Variants in OR10H4 observed in about 807,000 individuals in gnomAD.
OR10H4 encodes olfactory receptor family 10 subfamily H member 4.
OR10H4 carries 10 observed loss-of-function variants against 10.5 expected under a neutral mutation model. The ratio of observed to expected loss-of-function variants is 0.95; its 90% CI spans 0.59 to 1.62. The LOEUF (loss-of-function observed/expected upper bound fraction) is 1.62, where lower values mean the gene tolerates loss of function less well. Among genes scored for constraint, OR10H4 ranks in the 40% most tolerant of loss-of-function variants. The pLI is 0.00. For synonymous variants in OR10H4, 160 were observed against 149.4 expected (o/e 1.07, Z -0.52); for missense variants, 397 against 391.5 (o/e 1.01, Z -0.12).
In OR10H4 at chr19:15,949,288, C is replaced by T. The variant is rs532538232; in HGVS notation, c.281C>T (p.Thr94Ile). 7 of 1,614,256 alleles carry T rather than the reference C, an allele frequency of 4.3e-6. No individual in the cohort carries two copies. In the South Asian group the frequency reaches 6.6e-5, roughly 15 times the overall value. ...ADLLSTHHSI[T>I]FVACANQMFF... ...CTGCTTTCCACCCATCATTCCATCA[C>T]CTTTGTGGCTTGTGCCAACCAGATG... The change falls in exon 1 of 1, where the codon ACC becomes ATC. Residue 94 changes from threonine to isoleucine, a missense_variant. Physicochemically the swap from Thr to Ile is moderately conservative, Grantham distance 89. Coordinates refer to ENST00000322107, the MANE Select transcript of OR10H4 (RefSeq NM_001004465.1).
Position 15,949,382 on chromosome 19 carries a change from G to A in OR10H4, c.375G>A (p.Val125=). The A allele has an allele frequency of 6.2e-7, 1 of 1,614,158 alleles. No individual in the cohort carries two copies. The highest frequency in any genetic ancestry group is 8.5e-7 in the Non-Finnish European group (1 of 1,180,046). Residue 125 remains valine (V), a synonymous_variant, in exon 1 of 1, where the codon GTG becomes GTA. Coordinates refer to ENST00000322107, the MANE Select transcript of OR10H4 (RefSeq NM_001004465.1). The part of the protein sequence containing the change: ...LLLVMGYDRY[V]AICHPLRYNV... Reference sequence around the variant, plus strand: ...TGGTCATGGGCTATGATCGCTATGTGGCCATCTGCCACCCACTGCGTTACA... The same window carrying A: ...TGGTCATGGGCTATGATCGCTATGTAGCCATCTGCCACCCACTGCGTTACA...
Position 15,949,813 on chromosome 19 carries a change from CTA to C in OR10H4, c.808_809del (p.Met270ValfsTer3). 6.2e-7 allele frequency: 1 copy of C among 1,614,208 alleles called. No individual in the cohort carries two copies. The highest frequency in any genetic ancestry group is 8.5e-7 in the Non-Finnish European group (1 of 1,180,036). Reference sequence around the variant, plus strand: ...TACCTCAAGCCCAAGGGCCTCCATTCTATGTACAGTGACGCCTTGATGGCCAC... The same window carrying C: ...TACCTCAAGCCCAAGGGCCTCCATTCTGTACAGTGACGCCTTGATGGCCAC... On this transcript the variant is annotated frameshift_variant, in exon 1 of 1. Transcript: ENST00000322107. LOFTEE classifies it high-confidence loss of function.
Position 15,949,359 on chromosome 19 carries a change from G to A in OR10H4, c.352G>A (p.Val118Ile), listed in dbSNP as rs781294206. 1.4e-5 allele frequency: 23 copies of A among 1,614,080 alleles called. 1 individual carries two copies. The South Asian group carries it at 2.4e-4, about 17-fold the overall frequency. The change falls in exon 1 of 1, where the codon GTC (valine) becomes ATC (isoleucine). Residue 118 changes from valine (V) to isoleucine (I), a missense_variant. Val to Ile is a conservative substitution (Grantham distance 29, BLOSUM62 3). Transcript: ENST00000322107. ...FGFTHSFLLLVMGYDRYVAIC... is the reference protein window; with the variant it reads ...FGFTHSFLLLIMGYDRYVAIC... ...CTTCACTCACTCCTTCCTTCTCCTG[G>A]TCATGGGCTATGATCGCTATGTGGC...
In OR10H4 at chr19:15,949,342, A is replaced by G. The variant is rs751846122; in HGVS notation, c.335A>G (p.His112Arg). The change falls in exon 1 of 1, where the codon CAC (histidine) becomes CGC (arginine). Residue 112 changes from histidine to arginine, a missense_variant. Physicochemically the swap from His to Arg is conservative, Grantham distance 29. Coordinates refer to ENST00000322107, the MANE Select transcript of OR10H4 (RefSeq NM_001004465.1). ...MFFSFMFGFT[H>R]SFLLLVMGYD... is the part of the protein sequence containing the mutation. ...TTCTCCTTCATGTTTGGCTTCACTC[A>G]CTCCTTCCTTCTCCTGGTCATGGGC... is the stretch of plus-strand genomic sequence containing the variant. The G allele has an allele frequency of 1.9e-6, 3 of 1,612,852 alleles. No homozygotes were observed. Among genetic ancestry groups the G allele is most frequent in the South Asian group, 2.2e-5 (2 of 91,012 alleles).
Position 15,949,790 on chromosome 19 carries a change from C to T in OR10H4, c.783C>T (p.Tyr261=), listed in dbSNP as rs1347194361. 13 of 1,614,074 alleles carry T rather than the reference C, an allele frequency of 8.1e-6. No homozygotes were observed. The highest frequency in any genetic ancestry group is 1.1e-5 in the Non-Finnish European group (13 of 1,180,040). ...VTHYSFASFI[Y]LKPKGLHSMY... is the part of the protein sequence containing the mutation. The stretch of plus-strand genomic sequence containing the variant: ...ACTATAGTTTTGCCTCCTTTATCTA[C>T]CTCAAGCCCAAGGGCCTCCATTCTA... Residue 261 remains tyrosine (Y), a synonymous_variant, in exon 1 of 1, where the codon TAC becomes TAT. Transcript: ENST00000322107.
rs145516187 is a variant in OR10H4, at chr19:15,949,767, T to C, written c.760T>C (p.Tyr254His). ...VSHLTVVVTH[Y>H]SFASFIYLKP... ...CCACCTCACTGTGGTGGTCACGCAC[T>C]ATAGTTTTGCCTCCTTTATCTACCT... Residue 254 changes from tyrosine to histidine, a missense_variant, in exon 1 of 1, where the codon TAT (tyrosine) becomes CAT (histidine). Physicochemically the swap from Tyr to His is moderately conservative, Grantham distance 83. Coordinates refer to ENST00000322107, the MANE Select transcript of OR10H4 (RefSeq NM_001004465.1). 5,265 of 1,614,208 alleles carry C rather than the reference T, an allele frequency of 3.3e-3. 13 individuals carry two copies. The highest frequency in any genetic ancestry group is 5.4e-3 in the South Asian group (493 of 91,088).
In OR10H4 at chr19:15,949,478, G is replaced by A. The variant is rs745384244; in HGVS notation, c.471G>A (p.Gly157=). 34 of 1,614,122 alleles carry A rather than the reference G, an allele frequency of 2.1e-5. No individual in the cohort carries two copies. Among genetic ancestry groups the A allele is most frequent in the Non-Finnish European group, 2.9e-5 (34 of 1,180,056 alleles). The change falls in exon 1 of 1, where the codon GGG becomes GGA. Residue 157 remains glycine (G), a synonymous_variant. Coordinates refer to ENST00000322107, the MANE Select transcript of OR10H4 (RefSeq NM_001004465.1). ...CCTGGGCTGGTGGCTCAGTCATGGG[G>A]ATGATGGTGACAACGATAGTTTTCC... ...ACTWAGGSVM[G]MMVTTIVFHL...
In OR10H4 at chr19:15,949,920, A is replaced by G. The variant is rs763572447; in HGVS notation, c.913A>G (p.Lys305Glu). 5 of 1,605,888 alleles carry G rather than the reference A, an allele frequency of 3.1e-6. No homozygotes were observed. The highest frequency in any genetic ancestry group is 4.2e-6 in the Non-Finnish European group (5 of 1,177,670). Residue 305 changes from lysine to glutamate, a missense_variant, in exon 1 of 1, where the codon AAA becomes GAA. Coordinates refer to ENST00000322107, the MANE Select transcript of OR10H4 (RefSeq NM_001004465.1). The stretch of plus-strand genomic sequence containing the variant: ...CAAGGAGCTGAAGAATGCCATAAAT[A>G]AAAACTTTTACAGAAAATTCTGTCC... ...RNKELKNAIN[K>E]NFYRKFCPPS...
rs771982879 is a variant in OR10H4, at chr19:15,949,100, G to A, written c.93G>A (p.Leu31=). Residue 31 remains leucine, a synonymous_variant, in exon 1 of 1, where the codon CTG becomes CTA. Coordinates refer to ENST00000322107, the MANE Select transcript of OR10H4 (RefSeq NM_001004465.1). ...ACCTCCTGCCCATCTTGTTCCTGCT[G>A]TACCTCCTGATGTTCCTGTTCACAT... ...PQHLLPILFL[L]YLLMFLFTLL... The A allele has an allele frequency of 3.7e-6, 6 of 1,614,088 alleles. No individual in the cohort carries two copies. Among genetic ancestry groups the A allele is most frequent in the Admixed American group, 1.7e-5 (1 of 60,008 alleles).
chr19:15,949,933 G>GA lies in OR10H4; in HGVS notation c.930dup (p.Phe311IlefsTer?), dbSNP rs762844145. ...AATGCCATAAATAAAAACTTTTACA[G>GA]AAAATTCTGTCCTCCAAGTTCCTGA... On this transcript the variant is annotated frameshift_variant, in exon 1 of 1. Transcript: ENST00000322107. LOFTEE classifies it high-confidence loss of function. 7.3e-5 allele frequency: 118 copies of GA among 1,607,418 alleles called. No homozygotes were observed. In the East Asian group the frequency reaches 9.8e-4, roughly 13 times the overall value.
At position 15,949,289 on chromosome 19, in the gene OR10H4, C is replaced by CT; in HGVS notation, c.285dup (p.Val96CysfsTer27). ...TGCTTTCCACCCATCATTCCATCACCTTTGTGGCTTGTGCCAACCAGATGT... is the reference window on the plus strand; with the variant it reads ...TGCTTTCCACCCATCATTCCATCACCTTTTGTGGCTTGTGCCAACCAGATGT... On this transcript the variant is annotated frameshift_variant, in exon 1 of 1. Coordinates refer to ENST00000322107, the MANE Select transcript of OR10H4 (RefSeq NM_001004465.1). LOFTEE classifies it high-confidence loss of function. 6.2e-7 allele frequency: 1 copy of CT among 1,614,236 alleles called. No homozygotes were observed.
At position 15,949,664 on chromosome 19, in the gene OR10H4, C is replaced by T; in HGVS notation, c.657C>T (p.Ser219=). The change falls in exon 1 of 1, where the codon TCC becomes TCT. Residue 219 remains serine, a synonymous_variant. Transcript: ENST00000322107. ...GCTGTTTATTCCTCATCATCCTCTC[C>T]TATGTCTTCATTGTGGCTGCCATCT... ...LIGCLFLIIL[S]YVFIVAAILR... is the part of the protein sequence containing the mutation. 1 of 1,614,252 alleles carries T rather than the reference C, an allele frequency of 6.2e-7. No individual in the cohort carries two copies. The highest frequency in any genetic ancestry group is 1.1e-5 in the South Asian group (1 of 91,088).
At position 15,949,606 on chromosome 19, in the gene OR10H4, G is replaced by T. The variant is rs768599148; in HGVS notation, c.599G>T (p.Gly200Val). 4.3e-6 allele frequency: 7 copies of T among 1,614,180 alleles called. No individual in the cohort carries two copies. In the Admixed American group the frequency reaches 1.2e-4, roughly 27 times the overall value. ...AACAAGACATCATCTGTCATCATGGGTGTGATGCTGGTGTGTGTCACAGCC... is the reference window on the plus strand; with the variant it reads ...AACAAGACATCATCTGTCATCATGGTTGTGATGCTGGTGTGTGTCACAGCC... The part of the protein sequence containing the change: ...CENKTSSVIM[G>V]VMLVCVTALI... The change falls in exon 1 of 1, where the codon GGT becomes GTT. Residue 200 changes from glycine (G) to valine (V), a missense_variant. Gly to Val is a moderately radical substitution (Grantham distance 109, BLOSUM62 -3). Transcript: ENST00000322107.
Position 15,949,683 on chromosome 19 carries a change from GC to G in OR10H4, c.678del (p.Ile227SerfsTer2). 6.2e-7 allele frequency: 1 copy of G among 1,614,170 alleles called. No homozygotes were observed. Among genetic ancestry groups the G allele is most frequent in the Non-Finnish European group, 8.5e-7 (1 of 1,180,034 alleles). ...IILSYVFIVA[A>X]ILRIPSAEGR... The stretch of plus-strand genomic sequence containing the variant: ...CCTCTCCTATGTCTTCATTGTGGCT[GC>G]CATCTTGAGGATTCCCTCTGCCGAA... On this transcript the variant is annotated frameshift_variant, in exon 1 of 1. Transcript: ENST00000322107. LOFTEE classifies it high-confidence loss of function.
Position 15,949,198 on chromosome 19 carries a change from T to G in OR10H4, c.191T>G (p.Leu64Trp), listed in dbSNP as rs758635121. Reference protein sequence around the residue: ...HRLHTPMYLFLCTLSVSEILF... With the variant: ...HRLHTPMYLFWCTLSVSEILF... ...CTCCACACACCCATGTACCTCTTCT[T>G]GTGCACCCTCTCCGTCTCTGAGATT... Residue 64 changes from leucine (L) to tryptophan (W), a missense_variant, in exon 1 of 1, where the codon TTG (leucine) becomes TGG (tryptophan). Physicochemically the swap from Leu to Trp is moderately conservative, Grantham distance 61. Transcript: ENST00000322107. The G allele has an allele frequency of 1.6e-5, 26 of 1,614,106 alleles. No individual in the cohort carries two copies. The highest frequency in any genetic ancestry group is 1.7e-5 in the Non-Finnish European group (20 of 1,180,054).
rs372336100 is a variant in OR10H4 at position 15,949,742 on chromosome 19, C to G, written c.735C>G (p.Ser245=). ...GRHKTFSTCV[S]HLTVVVTHYS... is the part of the protein sequence containing the mutation. ...ACAAGACATTTTCTACGTGTGTATCCCACCTCACTGTGGTGGTCACGCACT... is the reference window on the plus strand; with the variant it reads ...ACAAGACATTTTCTACGTGTGTATCGCACCTCACTGTGGTGGTCACGCACT... Residue 245 remains serine (S), a synonymous_variant, in exon 1 of 1, where the codon TCC becomes TCG. Transcript: ENST00000322107. 1 of 1,614,160 alleles carries G rather than the reference C, an allele frequency of 6.2e-7. No homozygotes were observed.
chr19:15,949,520 G>T lies in OR10H4; in HGVS notation c.513G>T (p.Gly171=), dbSNP rs554308775. ...TAGTTTTCCACCTCACTTTCTGTGGGTCTAATGTGATCCACCATTTTTTCT... is the reference window on the plus strand; with the variant it reads ...TAGTTTTCCACCTCACTTTCTGTGGTTCTAATGTGATCCACCATTTTTTCT... ...TTIVFHLTFC[G]SNVIHHFFCH... Residue 171 remains glycine (G), a synonymous_variant, in exon 1 of 1, where the codon GGG becomes GGT. Transcript: ENST00000322107. 2.5e-6 allele frequency: 4 copies of T among 1,614,188 alleles called. No homozygotes were observed. The highest frequency in any genetic ancestry group is 4.5e-5 in the East Asian group (2 of 44,878).
In OR10H4 at chr19:15,949,698, C is replaced by T; in HGVS notation, c.691C>T (p.Pro231Ser). Reference sequence around the variant, plus strand: ...CATTGTGGCTGCCATCTTGAGGATTCCCTCTGCCGAAGGCCGGCACAAGAC... The same window carrying T: ...CATTGTGGCTGCCATCTTGAGGATTTCCTCTGCCGAAGGCCGGCACAAGAC... The part of the protein sequence containing the change: ...VFIVAAILRI[P>S]SAEGRHKTFS... The change falls in exon 1 of 1, where the codon CCC becomes TCC. Residue 231 changes from proline to serine, a missense_variant. Coordinates refer to ENST00000322107, the MANE Select transcript of OR10H4 (RefSeq NM_001004465.1). 6.2e-7 allele frequency: 1 copy of T among 1,614,194 alleles called. No homozygotes were observed. Among genetic ancestry groups the T allele is most frequent in the South Asian group, 1.1e-5 (1 of 91,078 alleles).
rs1011217032 is a variant in OR10H4, at chr19:15,949,827, G to A, written c.820G>A (p.Ala274Thr). The A allele has an allele frequency of 1.9e-6, 3 of 1,613,974 alleles. No individual in the cohort carries two copies. Among genetic ancestry groups the A allele is most frequent in the South Asian group, 2.2e-5 (2 of 91,088 alleles). ...PKGLHSMYSD[A>T]LMATTYTVFT... ...GGGCCTCCATTCTATGTACAGTGACGCCTTGATGGCCACCACCTATACTGT... is the reference window on the plus strand; with the variant it reads ...GGGCCTCCATTCTATGTACAGTGACACCTTGATGGCCACCACCTATACTGT... Residue 274 changes from alanine (A) to threonine (T), a missense_variant, in exon 1 of 1, where the codon GCC becomes ACC. Ala to Thr is a moderately conservative substitution (Grantham distance 58, BLOSUM62 0). Transcript: ENST00000322107.
Sources: allele counts gnomAD v4.1 joint callset, GRCh38; gene constraint gnomAD v4.1.1; transcripts MANE v1.5; gene names NCBI Gene and HGNC (gene_info 2026-07-23, HGNC 2026-07-21).